GPR35: variants seen among roughly 807,000 people sequenced by gnomAD.
GPR35 encodes the protein G protein-coupled receptor 35.
For synonymous variants in GPR35, 207 were observed against 198.4 expected (o/e 1.04, Z -0.36); for missense variants, 372 against 422.5 (o/e 0.88, Z 1.05).
At chr2:240,625,917 G>A (rs1396435666) in intron 1 of GPR35, among the ~76,000 whole-genome samples, 5 of 146,414 alleles carry the variant, frequency 3.4e-5, no homozygotes, top group African/African-American at 7.4e-5. Context: ...AGGCTCTGAT[G>A]GGGTCTCAGA....
chr2:240,625,414 CG>C (rs2043357359), upstream of GPR35: 3 of 985,360 alleles, frequency 3.0e-6, no homozygotes, highest in Non-Finnish European at 3.6e-6. Context: ...GTCAGCCGCC[CG>C]CCCCCCCACC....
chr2:240,620,839 ACACT>A (rs1043864280), upstream of GPR35, among the ~76,000 whole-genome samples: 1 of 152,114 alleles, frequency 6.6e-6, no homozygotes, highest in Non-Finnish European at 1.5e-5. Context: ...CTGTGGCCAC[ACACT>A]CAGTTCTCTA....
At chr2:240,612,151 C>T (rs1277250211) in intron 2 of GPR35, among the ~76,000 whole-genome samples, 2 of 151,998 alleles carry the variant, frequency 1.3e-5, no homozygotes, top group African/African-American at 2.4e-5. Context: ...ATCTACTCAA[C>T]ATCTTATTAA....
At chr2:240,623,027 C>T (rs1402808523), upstream of GPR35, among the ~76,000 whole-genome samples, 3 of 149,550 alleles carry the variant, frequency 2.0e-5, no homozygotes, top group Non-Finnish European at 4.4e-5. Flanking sequence ...CGAAGAAGGG[C>T]CTGAGCAGCA....
chr2:240,605,707 C>G (rs1029649388), intron 1 of GPR35: 2 of 152,324 alleles, frequency 1.3e-5, no homozygotes, highest in East Asian at 3.9e-4. Context: ...TGGGCTCGTG[C>G]TTTCTTCATG....
intron 1 of GPR35, chr2:240,627,310 T>C (rs558375634): frequency 1.3e-5 from 2 of 152,396 alleles, no homozygotes; most frequent in Admixed American, 1.3e-4. Context: ...TGAACTTTTC[T>C]GGGAGGCACT....
Position 240,630,068 on chromosome 2 carries a change from G to A in GPR35, c.116G>A (p.Ser39Asn). The A allele has an allele frequency of 6.2e-7, 1 of 1,611,890 alleles. No individual in the cohort carries two copies. Residue 39 changes from serine to asparagine, a missense_variant, in exon 2 of 2, where the codon AGC (serine) becomes AAC (asparagine). By Grantham distance (46) the Ser-to-Asn change is conservative (BLOSUM62 1). Coordinates refer to ENST00000407714, the MANE Select transcript of GPR35 (RefSeq NM_005301.5). The stretch of plus-strand genomic sequence containing the variant: ...CTGGTGCTAGGCCTGCTGCTCAACA[G>A]CCTGGCGCTCTGGGTGTTCTGCTGC... ...VLLVLGLLLNSLALWVFCCRM... is the reference protein window; with the variant it reads ...VLLVLGLLLNNLALWVFCCRM...
upstream of GPR35, among the ~76,000 whole-genome samples, chr2:240,623,760 G>A (rs2043335983): frequency 6.6e-6 from 1 of 152,116 alleles, no homozygotes; most frequent in Non-Finnish European, 1.5e-5. Flanking sequence ...GGTGGCAAGG[G>A]GCCCTTCCCA....
chr2:240,606,065 G>GC (rs1314956964), intron 1 of GPR35, among the ~76,000 whole-genome samples: 1 of 152,140 alleles, frequency 6.6e-6, no homozygotes, highest in Admixed American at 6.5e-5. Context: ...GGTTAGTGCT[G>GC]CCCCCCAAAC....
Position 240,630,434 on chromosome 2 carries a change from TCTG to T in GPR35, c.485_487del (p.Cys162del). ...CTCCTGGGGATTCAGGAGGGCGGCT[TCTG>T]CTTCAGGAGCACCCGGCACAATTTC... On this transcript the variant is annotated inframe_deletion, in exon 2 of 2. Transcript: ENST00000407714. 6.2e-7 allele frequency: 1 copy of T among 1,612,782 alleles called. No individual in the cohort carries two copies. The highest frequency in any genetic ancestry group is 8.5e-7 in the Non-Finnish European group (1 of 1,179,944).
At position 240,631,724 on chromosome 2, in the gene GPR35, C is replaced by A. The variant is rs1288951182; in HGVS notation, c.*842C>A. On this transcript the variant is annotated 3_prime_UTR_variant, in exon 2 of 2. Transcript: ENST00000407714. ...TAAAGGCACGATGTCCTGCTGGTTT[C>A]TGCCTCTCCTGTACTCCTGCATGGA... 6.6e-6 allele frequency among the ~76,000 whole-genome samples: 1 copy of A among 152,212 alleles called. No homozygotes were observed. Among genetic ancestry groups the A allele is most frequent in the Non-Finnish European group, 1.5e-5 (1 of 68,034 alleles).
At chr2:240,621,467 C>A (rs1471565770), upstream of GPR35, among the ~76,000 whole-genome samples, 105 of 152,234 alleles carry the variant, frequency 6.9e-4, no homozygotes, top group African/African-American at 2.4e-3. Flanking sequence ...GTCGGCCAGG[C>A]TGGTCTTGAA....
At chr2:240,612,952 A>T (rs1044649501) in intron 2 of GPR35, among the ~76,000 whole-genome samples, 3 of 152,228 alleles carry the variant, frequency 2.0e-5, no homozygotes, top group Non-Finnish European at 4.4e-5. Flanking sequence ...CGCGGACATA[A>T]CCCAGCCTCA....
upstream of GPR35, among the ~76,000 whole-genome samples, chr2:240,624,785 G>A (rs1181987211): frequency 6.6e-6 from 1 of 152,182 alleles, no homozygotes; most frequent in Non-Finnish European, 1.5e-5. Context: ...CCCACCATGA[G>A]CTCAGAAGGA....
At position 240,631,203 on chromosome 2, in the gene GPR35, A is replaced by C; in HGVS notation, c.*321A>C. ...TGCTGGCCAGGGTGCAGCCTTGATGACACCTGCCGCTGCCCCTCGGGGCTG... is the reference window on the plus strand; with the variant it reads ...TGCTGGCCAGGGTGCAGCCTTGATGCCACCTGCCGCTGCCCCTCGGGGCTG... On this transcript the variant is annotated 3_prime_UTR_variant, in exon 2 of 2. Coordinates refer to ENST00000407714, the MANE Select transcript of GPR35 (RefSeq NM_005301.5). 1 of 371,794 alleles carries C rather than the reference A, an allele frequency of 2.7e-6. No homozygotes were observed. 23.0% of individuals were successfully genotyped at this position (371,794 alleles called of 1,614,324 possible). A position where few individuals can be genotyped will look rare whatever the true frequency, so the allele number is the denominator to read the frequency against.
intron 2 of GPR35, among the ~76,000 whole-genome samples, chr2:240,613,441 A>G (rs556823532): frequency 6.6e-6 from 1 of 152,210 alleles, no homozygotes; most frequent in African/African-American, 2.4e-5. Flanking sequence ...AATGAACCAT[A>G]AGTCATGTGG....
chr2:240,612,283 C>G (rs867420508), intron 2 of GPR35, among the ~76,000 whole-genome samples: 1 of 151,442 alleles, frequency 6.6e-6, no homozygotes, highest in African/African-American at 2.4e-5. Context: ...AAAAATTAGC[C>G]GGGTGTGGTG....
At chr2:240,614,849 ATATC>A (rs1264179338) in intron 2 of GPR35, among the ~76,000 whole-genome samples, 2 of 152,052 alleles carry the variant, frequency 1.3e-5, no homozygotes, top group African/African-American at 2.4e-5. Context: ...GTATGTGTAT[ATATC>A]TATGTATGTA....
chr2:240,614,011 G>A (rs987834690), intron 2 of GPR35, among the ~76,000 whole-genome samples: 1 of 148,024 alleles, frequency 6.8e-6, no homozygotes, highest in Non-Finnish European at 1.5e-5. Context: ...ACCCTATCCC[G>A]AGCCCTAAAC....
Sources: allele counts gnomAD v4.1 joint callset (sites outside exome capture counted in the v4.1 genomes callset), GRCh38; gene constraint gnomAD v4.1.1; transcripts MANE v1.5; gene names NCBI Gene and HGNC (gene_info 2026-07-23, HGNC 2026-07-21).